The following NSUN7 variants were observed in gnomAD, a reference collection of about 807,000 sequenced individuals.
The protein encoded by NSUN7 is NOP2/Sun RNA methyltransferase family member 7.
A neutral mutation model predicts 58.5 loss-of-function variants in NSUN7; 39 were observed. That is an observed-to-expected ratio of 0.67 (90% confidence interval 0.52 to 0.87). The LOEUF (loss-of-function observed/expected upper bound fraction) is 0.87, where lower values mean the gene tolerates loss of function less well. Ranked by LOEUF, NSUN7 falls within the 40% of genes least tolerant of loss-of-function variation. The pLI is 0.00. For missense variants in NSUN7, 765 were observed against 844.1 expected (o/e 0.91, Z 1.16); for synonymous variants, 278 against 303.7 (o/e 0.92, Z 0.88).
At chr4:40,786,890 G>A (rs1742850256) in intron 7 of NSUN7, among the ~76,000 whole-genome samples, 2 of 152,116 alleles carry the variant, frequency 1.3e-5, no homozygotes, top group Admixed American at 1.3e-4. Flanking sequence ...ATAAGTAAAT[G>A]CAGTGCTTCT....
chr4:40,755,299 A>T (rs771569842), intron 2 of NSUN7, among the ~76,000 whole-genome samples: 8 of 152,236 alleles, frequency 5.3e-5, no homozygotes, highest in African/African-American at 1.4e-4. Flanking sequence ...CCATGTTACC[A>T]GGATGGTCTT....
intron 8 of NSUN7, among the ~76,000 whole-genome samples, chr4:40,792,358 G>A (rs183889740): frequency 9.9e-5 from 15 of 152,272 alleles, no homozygotes; most frequent in African/African-American, 3.6e-4. Flanking sequence ...AAGGCCCAGA[G>A]GAAAATACAA....
chr4:40,762,381 T>G (rs963182908), intron 4 of NSUN7, among the ~76,000 whole-genome samples: 2 of 152,180 alleles, frequency 1.3e-5, no homozygotes, highest in African/African-American at 4.8e-5. Context: ...ATAATCTGAT[T>G]GTTACTGTCA....
rs1744060773 is a variant in NSUN7, at chr4:40,809,419, A to G, written c.*480A>G. The G allele has an allele frequency of 6.6e-6, 1 of 152,572 alleles. No individual in the cohort carries two copies. The highest frequency in any genetic ancestry group is 2.4e-5 in the African/African-American group (1 of 41,472). The allele number at this position is 152,572 out of a possible 1,614,324, so 9.5% of individuals were successfully genotyped here. A position where few individuals can be genotyped will look rare whatever the true frequency, so the allele number is the denominator to read the frequency against. ...AAGGGTGATTTTTTCTTAAATATCA[A>G]GCTGTTCTTTGAACAGGGAATGAAC... On this transcript the variant is annotated 3_prime_UTR_variant, in exon 12 of 12. Transcript: ENST00000381782.
intron 4 of NSUN7, among the ~76,000 whole-genome samples, chr4:40,763,965 T>C (rs911322919): frequency 1.3e-5 from 2 of 152,154 alleles, no homozygotes; most frequent in African/African-American, 4.8e-5. Flanking sequence ...TGTTTAGTGA[T>C]TGAATTGTGG....
At chr4:40,751,129 G>A in intron 2 of NSUN7, 138 bp downstream of exon 2, 1 of 897,522 alleles carries the variant, frequency 1.1e-6, no homozygotes. Context: ...TTGGTTAATT[G>A]CAAGTGTCAA....
In NSUN7 at chr4:40,757,655, G is replaced by GTATA. The variant is rs772032013; in HGVS notation, c.299-2772_299-2769dup. On this transcript the variant is annotated intron_variant, in intron 2 of 11. Coordinates refer to ENST00000381782, the MANE Select transcript of NSUN7 (RefSeq NM_024677.6). ...CATTGTGTGTATATATATACATTGT[G>GTATA]TATATATATACATTGTGTGTATATA... 1.2e-3 allele frequency among the ~76,000 whole-genome samples: 175 copies of GTATA among 142,904 alleles called. 2 individuals are homozygous for GTATA. Among genetic ancestry groups the GTATA allele is most frequent in the Non-Finnish European group, 1.9e-3 (127 of 66,132 alleles). 93.8% of individuals were successfully genotyped at this position (142,904 alleles called of 152,430 possible). A position where few individuals can be genotyped will look rare whatever the true frequency, so the allele number is the denominator to read the frequency against.
intron 7 of NSUN7, among the ~76,000 whole-genome samples, chr4:40,780,805 ATATATATATTTTT>A (rs1244691136): frequency 1.0e-4 from 10 of 98,734 alleles, no homozygotes; most frequent in African/African-American, 3.5e-4. Context: ...ATATATATAT[ATATATATATTTTT>A]TTTTTTTTTT....
intron 4 of NSUN7, among the ~76,000 whole-genome samples, chr4:40,771,735 T>G (rs916238679): frequency 6.8e-6 from 1 of 147,708 alleles, no homozygotes; most frequent in African/African-American, 2.5e-5. Context: ...AATTATATAA[T>G]TATAAATATA....
At chr4:40,759,396 T>G (rs542684024) in intron 2 of NSUN7, among the ~76,000 whole-genome samples, 1 of 152,216 alleles carries the variant, frequency 6.6e-6, no homozygotes, top group Non-Finnish European at 1.5e-5. Flanking sequence ...ACACTCGTGT[T>G]CCCTGTGGAA....
chr4:40,788,592 G>C (rs908837708), intron 7 of NSUN7, among the ~76,000 whole-genome samples: 1 of 152,212 alleles, frequency 6.6e-6, no homozygotes, highest in African/African-American at 2.4e-5. Flanking sequence ...AACTGCCTCT[G>C]TCATTAGAGG....
At chr4:40,796,707 C>T (rs1743338306) in intron 9 of NSUN7, among the ~76,000 whole-genome samples, 1 of 152,138 alleles carries the variant, frequency 6.6e-6, no homozygotes, top group Admixed American at 6.5e-5. Flanking sequence ...ACAATTAACT[C>T]AAGAGGCCCC....
intron 4 of NSUN7, among the ~76,000 whole-genome samples, chr4:40,772,722 C>G (rs897830724): frequency 1.3e-5 from 2 of 152,184 alleles, no homozygotes; most frequent in Admixed American, 1.3e-4. Context: ...TTTACTACCC[C>G]TCTTGTCCTG....
At chr4:40,796,622 C>A (rs1681326687) in intron 9 of NSUN7, among the ~76,000 whole-genome samples, 1 of 151,922 alleles carries the variant, frequency 6.6e-6, no homozygotes, top group African/African-American at 2.4e-5. Context: ...AGAGCAAGAC[C>A]CCATCTATTA....
In NSUN7 at chr4:40,810,462, C is replaced by T. The variant is rs1744184881; in HGVS notation, c.*1523C>T. On this transcript the variant is annotated 3_prime_UTR_variant, in exon 12 of 12. Coordinates refer to ENST00000381782, the MANE Select transcript of NSUN7 (RefSeq NM_024677.6). ...GTGTGGTGGGACACGCCTGTAGTCC[C>T]AGCTACTTAGGAGGCTGAGGTACGA... 6.6e-6 allele frequency: 1 copy of T among 150,988 alleles called. No homozygotes were observed. Among genetic ancestry groups the T allele is most frequent in the Admixed American group, 6.6e-5 (1 of 15,058 alleles). 9.4% of individuals were successfully genotyped at this position (150,988 alleles called of 1,614,324 possible).
intron 2 of NSUN7, among the ~76,000 whole-genome samples, chr4:40,759,803 G>T (rs1308327914): frequency 6.6e-6 from 1 of 152,130 alleles, no homozygotes; most frequent in Admixed American, 6.5e-5. Context: ...CACTTTGGGA[G>T]GCCTAGGCGG....
chr4:40,764,044 CTTT>C lies in NSUN7; in HGVS notation c.488+2744_488+2746del, dbSNP rs1224047064. On this transcript the variant is annotated intron_variant, in intron 4 of 11. Coordinates refer to ENST00000381782, the MANE Select transcript of NSUN7 (RefSeq NM_024677.6). ...TGCCACAGTATTTTACTCGAGTCTTCTTTGTTTTTTTTAATTTTTTAATTTTTT... is the reference window on the plus strand; with the variant it reads ...TGCCACAGTATTTTACTCGAGTCTTCGTTTTTTTTAATTTTTTAATTTTTT... Among the ~76,000 whole-genome samples the C allele has an allele frequency of 3.3e-5, 5 of 151,246 alleles. No individual in the cohort carries two copies. The South Asian group carries it at 6.3e-4, about 19-fold the overall frequency.
Position 40,774,312 on chromosome 4 carries a change from A to T in NSUN7, c.536A>T (p.His179Leu), listed in dbSNP as rs752393180. The change falls in exon 5 of 12, where the codon CAT (histidine) becomes CTT (leucine). Residue 179 changes from histidine (H) to leucine (L), a missense_variant. Physicochemically the swap from His to Leu is moderately conservative, Grantham distance 99 (BLOSUM62 -3). Transcript: ENST00000381782. ...GCATTGGCAAGATGTCGAATCAAGC[A>T]TGATGCCCTTTCAATTTACCACATC... ...AAALARCRIKHDALSIYHILP... is the reference protein window; with the variant it reads ...AAALARCRIKLDALSIYHILP... 1.9e-6 allele frequency: 3 copies of T among 1,614,160 alleles called. No homozygotes were observed. The highest frequency in any genetic ancestry group is 1.7e-6 in the Non-Finnish European group (2 of 1,179,978).
At chr4:40,794,343 T>C in intron 8 of NSUN7, 32 bp from the exon 9 acceptor site, 1 of 1,280,734 alleles carries the variant, frequency 7.8e-7, no homozygotes, top group Non-Finnish European at 1.1e-6. Context: ...TTAATGGTGC[T>C]ATATTTAAAA....
Sources: gnomAD v4.1 joint callset for allele counts (sites outside exome capture counted in the v4.1 genomes callset) on GRCh38, gnomAD v4.1.1 for gene constraint, MANE v1.5 for transcripts, NCBI Gene and HGNC (gene_info 2026-07-23, HGNC 2026-07-21) for gene names.